The following REDIC1 variants were observed in gnomAD, a reference collection of about 807,000 sequenced individuals.
REDIC1 encodes the protein HEI10 Interacting Protein 1.
At chr12:39,900,052 A>G in the REDIC1 span, among the ~76,000 whole-genome samples, 1 of 152,190 alleles carries the variant, frequency 6.6e-6, no homozygotes, top group South Asian at 2.1e-4. Flanking sequence ...AAATCAATAA[A>G]TGTAATCCAG....
the REDIC1 span, among the ~76,000 whole-genome samples, chr12:39,712,906 T>A: frequency 6.8e-6 from 1 of 146,248 alleles, no homozygotes; most frequent in South Asian, 2.1e-4. Flanking sequence ...TACGTGTATA[T>A]ACGTATATAC....
chr12:39,750,956 A>C, the REDIC1 span, among the ~76,000 whole-genome samples: 1 of 152,114 alleles, frequency 6.6e-6, no homozygotes, highest in Non-Finnish European at 1.5e-5. Flanking sequence ...AACCATAAAA[A>C]CCCTAGAAGA....
the REDIC1 span, among the ~76,000 whole-genome samples, chr12:39,895,187 T>C: frequency 6.6e-6 from 1 of 151,862 alleles, no homozygotes; most frequent in Admixed American, 6.6e-5. Context: ...GAGTAACAAG[T>C]AGTGGGTCTG....
At chr12:39,702,009 C>G in the REDIC1 span, among the ~76,000 whole-genome samples, 1 of 151,932 alleles carries the variant, frequency 6.6e-6, no homozygotes, top group African/African-American at 2.4e-5. Context: ...AATTGACACC[C>G]TAACATCACA....
chr12:39,865,262 T>C, the REDIC1 span, among the ~76,000 whole-genome samples: 1 of 152,226 alleles, frequency 6.6e-6, no homozygotes. Context: ...AGACAATAGA[T>C]TTCCATCAAG....
At chr12:39,706,862 G>C in the REDIC1 span, among the ~76,000 whole-genome samples, 5 of 151,978 alleles carry the variant, frequency 3.3e-5, no homozygotes, top group African/African-American at 1.2e-4. Flanking sequence ...AATCAAAATG[G>C]ATTAAAGACT....
At chr12:39,892,076 T>G in the REDIC1 span, among the ~76,000 whole-genome samples, 1 of 152,200 alleles carries the variant, frequency 6.6e-6, no homozygotes. Flanking sequence ...CTTAAAAGTT[T>G]GCAAATTACC....
At chr12:39,817,324 T>A in the REDIC1 span, among the ~76,000 whole-genome samples, 1 of 148,786 alleles carries the variant, frequency 6.7e-6, no homozygotes, top group Non-Finnish European at 1.5e-5. Flanking sequence ...TAGACAAGGT[T>A]ACACTGCTGT....
chr12:39,700,500 G>T, the REDIC1 span, among the ~76,000 whole-genome samples: 2 of 152,134 alleles, frequency 1.3e-5, no homozygotes, highest in Admixed American at 6.5e-5. Context: ...GAACCAAGTT[G>T]GAAAACACTC....
the REDIC1 span, among the ~76,000 whole-genome samples, chr12:39,686,435 TG>T: frequency 6.7e-6 from 1 of 149,730 alleles, no homozygotes; most frequent in South Asian, 2.1e-4. Flanking sequence ...AGCAGCAGAC[TG>T]AGCTGTACAT....
the REDIC1 span, among the ~76,000 whole-genome samples, chr12:39,786,062 G>A: frequency 6.6e-6 from 1 of 152,124 alleles, no homozygotes; most frequent in Non-Finnish European, 1.5e-5. Flanking sequence ...GAATTTGCAG[G>A]ACTGTTGGGA....
the REDIC1 span, among the ~76,000 whole-genome samples, chr12:39,635,659 G>A: frequency 4.0e-5 from 6 of 151,872 alleles, no homozygotes; most frequent in African/African-American, 1.5e-4. Context: ...GGGGGGCTGG[G>A]GGAGGGATAG....
the REDIC1 span, among the ~76,000 whole-genome samples, chr12:39,632,986 A>G: frequency 2.6e-5 from 4 of 152,156 alleles, no homozygotes; most frequent in African/African-American, 9.7e-5. Context: ...CACTTAGGCT[A>G]CACTAAATTT....
chr12:39,749,434 T>C, the REDIC1 span, among the ~76,000 whole-genome samples: 1 of 152,132 alleles, frequency 6.6e-6, no homozygotes, highest in Non-Finnish European at 1.5e-5. Context: ...ATTAATAGCC[T>C]ACCAACCAAA....
chr12:39,643,248 T>C, the REDIC1 span, among the ~76,000 whole-genome samples: 1 of 151,686 alleles, frequency 6.6e-6, no homozygotes, highest in African/African-American at 2.4e-5. Context: ...GTGATAATTA[T>C]GTGCAAGTCT....
chr12:39,734,196 C>A, the REDIC1 span, among the ~76,000 whole-genome samples: 1 of 152,270 alleles, frequency 6.6e-6, no homozygotes, highest in East Asian at 1.9e-4. Flanking sequence ...CTGGGTGAGG[C>A]GACGCCCCAC....
chr12:39,766,324 A>T, the REDIC1 span, among the ~76,000 whole-genome samples: 1 of 152,100 alleles, frequency 6.6e-6, no homozygotes, highest in Non-Finnish European at 1.5e-5. Context: ...TACATATAAA[A>T]GTTATGTTCC....
chr12:39,701,383 C>G, the REDIC1 span, among the ~76,000 whole-genome samples: 11,328 of 152,144 alleles, frequency 0.074, 470 homozygotes, highest in South Asian at 0.12. Context: ...ACAAGAAGAG[C>G]TAACTATCCT....
the REDIC1 span, among the ~76,000 whole-genome samples, chr12:39,632,023 C>A: frequency 1.4e-5 from 2 of 144,216 alleles, no homozygotes; most frequent in Non-Finnish European, 1.5e-5. Context: ...TTTAATGTTC[C>A]CATATTTACA....
Sources: allele counts gnomAD v4.1 joint callset (sites outside exome capture counted in the v4.1 genomes callset), GRCh38; gene constraint gnomAD v4.1.1; transcripts MANE v1.5; gene names NCBI Gene and HGNC (gene_info 2026-07-23, HGNC 2026-07-21).